Variants in MACROD1 observed in about 807,000 individuals in gnomAD.
MACROD1 encodes mono-ADP ribosylhydrolase 1.
MACROD1 carries 31 observed loss-of-function variants against 41.4 expected under a neutral mutation model. The observed-to-expected ratio is 0.75, with a 90% CI of 0.56 to 1.01. MACROD1 has a LOEUF of 1.01. Among genes scored for constraint, MACROD1 ranks in the 50% least tolerant of loss-of-function variants. The pLI, the probability that MACROD1 is intolerant of heterozygous loss-of-function variation, is 0.00. For missense variants in MACROD1, 473 were observed against 460.0 expected, an observed-to-expected ratio of 1.03 and a Z score of -0.26; for synonymous variants, 252 against 203.4, an observed-to-expected ratio of 1.24 and a Z score of -2.03.
chr11:64,035,284 A>G (rs1943351517), intron 3 of MACROD1, among the ~76,000 whole-genome samples: 2 of 151,738 alleles, frequency 1.3e-5, no homozygotes, highest in Non-Finnish European at 2.9e-5. Context: ...CACGCGGCGG[A>G]TGAGAGGGTC....
At position 64,087,342 on chromosome 11, in the gene MACROD1, A is replaced by ACCCTGCCAC. The variant is rs945649913; in HGVS notation, c.517+63888_517+63896dup. 4.0e-5 allele frequency among the ~76,000 whole-genome samples: 6 copies of ACCCTGCCAC among 151,540 alleles called. No individual in the cohort carries two copies. The East Asian group carries it at 5.8e-4, about 15-fold the overall frequency. On this transcript the variant is annotated intron_variant, in intron 3 of 10. Transcript: ENST00000255681. ...GGTCCGCCACCCAGACCTCACCCCA[A>ACCCTGCCAC]CCCTGCCACCCCTGCCACCCCTGCC...
In MACROD1 at chr11:64,064,146, A is replaced by T. The variant is rs890534928; in HGVS notation, c.518-48865T>A. Among the ~76,000 whole-genome samples the T allele has an allele frequency of 2.0e-5, 3 of 152,112 alleles. No homozygotes were observed. The highest frequency in any genetic ancestry group is 4.8e-5 in the African/African-American group (2 of 41,414). On this transcript the variant is annotated intron_variant, in intron 3 of 10. Transcript: ENST00000255681. This position sits in a 1 kb window ranked among gnomAD's most constrained non-coding sequence, Gnocchi z 4.5. ...GGTCTCTCCCACTCTCCCTTTCAGCATCTTCTCTCTCTTGTCTTCTGAGGA... is the reference window on the plus strand; with the variant it reads ...GGTCTCTCCCACTCTCCCTTTCAGCTTCTTCTCTCTCTTGTCTTCTGAGGA...
chr11:64,029,651 G>A (rs1450178340), intron 3 of MACROD1, among the ~76,000 whole-genome samples: 1 of 150,672 alleles, frequency 6.6e-6, no homozygotes, highest in Admixed American at 6.6e-5. Flanking sequence ...AGCTGGCCTC[G>A]CCCCCACCCC....
At chr11:64,058,449 T>A in intron 3 of MACROD1, among the ~76,000 whole-genome samples, 1 of 152,234 alleles carries the variant, frequency 6.6e-6, no homozygotes, top group East Asian at 1.9e-4. Context: ...AGGGGGCACC[T>A]GTAGCTGCCA....
chr11:64,001,834 G>A (rs1214671812), intron 4 of MACROD1: 27 of 687,682 alleles, frequency 3.9e-5, no homozygotes, highest in Admixed American at 3.2e-4. Context: ...ATGGGGTGCC[G>A]TGGCTGGGCT....
chr11:64,025,094 T>A (rs1943207602), intron 3 of MACROD1, among the ~76,000 whole-genome samples: 1 of 152,188 alleles, frequency 6.6e-6, no homozygotes, highest in Non-Finnish European at 1.5e-5. Flanking sequence ...CTGCCAGGCC[T>A]CAGCCTCCTG....
At chr11:64,149,147 G>T in intron 3 of MACROD1, 4 of 407,242 alleles carry the variant, frequency 9.8e-6, no homozygotes, top group Non-Finnish European at 1.3e-5. Context: ...CCTCGGCACC[G>T]CTGGGACAGG....
At chr11:64,114,350 T>C (rs1944930062) in intron 3 of MACROD1, among the ~76,000 whole-genome samples, 1 of 146,424 alleles carries the variant, frequency 6.8e-6, no homozygotes, top group South Asian at 2.2e-4. Flanking sequence ...ACATGATGGA[T>C]GGATGGATGG....
intron 3 of MACROD1, among the ~76,000 whole-genome samples, chr11:64,109,997 TGC>T (rs1944831275): frequency 6.6e-6 from 1 of 152,044 alleles, no homozygotes; most frequent in Non-Finnish European, 1.5e-5. Flanking sequence ...TTAAACTGGA[TGC>T]GTCGGGGGCA....
intron 3 of MACROD1, among the ~76,000 whole-genome samples, chr11:64,109,659 C>A (rs1168129300): frequency 1.3e-5 from 2 of 152,178 alleles, no homozygotes; most frequent in African/African-American, 2.4e-5. Context: ...ACCCTGCCCC[C>A]AGCCTGGAGG....
chr11:64,128,601 G>A (rs1168315075), intron 3 of MACROD1, among the ~76,000 whole-genome samples: 1 of 151,872 alleles, frequency 6.6e-6, no homozygotes, highest in Non-Finnish European at 1.5e-5. Context: ...ACTCAGGAAG[G>A]CCCTGTGTCC....
intron 3 of MACROD1, among the ~76,000 whole-genome samples, chr11:64,094,541 C>G (rs532821460): frequency 9.2e-5 from 14 of 152,322 alleles, no homozygotes; most frequent in Non-Finnish European, 1.5e-4. Flanking sequence ...GAATGGCAGG[C>G]TCCTGGAGTG....
rs367873913 is a variant in MACROD1 at position 64,062,358 on chromosome 11, G to A, written c.518-47077C>T. Among the ~76,000 whole-genome samples the A allele has an allele frequency of 2.7e-4, 41 of 152,278 alleles. No homozygotes were observed. The East Asian group carries it at 3.3e-3, about 12-fold the overall frequency. ...GAGTCCTGCGTCTGTGGCTGGCTCA[G>A]ACATATGCAGAGGCCCTCCCACACC... On this transcript the variant is annotated intron_variant, in intron 3 of 10. Transcript: ENST00000255681.
At chr11:64,083,581 C>A (rs1291257415) in intron 3 of MACROD1, among the ~76,000 whole-genome samples, 1 of 152,200 alleles carries the variant, frequency 6.6e-6, no homozygotes, top group East Asian at 1.9e-4. Context: ...TAAGCTGCCA[C>A]AAATCCTTTC....
chr11:64,116,939 G>A (rs1944994928), intron 3 of MACROD1: 1 of 1,611,416 alleles, frequency 6.2e-7, no homozygotes, highest in Non-Finnish European at 8.5e-7. Flanking sequence ...TCAACAGCCT[G>A]CGGCGCCTGG....
chr11:64,091,355 A>G (rs1325166777), intron 3 of MACROD1, among the ~76,000 whole-genome samples: 1 of 151,786 alleles, frequency 6.6e-6, no homozygotes, highest in East Asian at 1.9e-4. Context: ...TGCCGTTACA[A>G]TCTCATTCAT....
chr11:64,067,115 C>A lies in MACROD1; in HGVS notation c.518-51834G>T, dbSNP rs893226352. Among the ~76,000 whole-genome samples, 1 of 152,168 alleles carries A rather than the reference C, an allele frequency of 6.6e-6. No homozygotes were observed. On this transcript the variant is annotated intron_variant, in intron 3 of 10. Coordinates refer to ENST00000255681, the MANE Select transcript of MACROD1 (RefSeq NM_014067.4). The surrounding 1 kb of genome is among the most constrained non-coding windows in gnomAD (Gnocchi z 4.6). ...GGCAGAATGGAAGCCATTCTCATTA[C>A]ACCACAGGCCAGGGCCAAGTAGGCA... is the stretch of plus-strand genomic sequence containing the variant.
intron 3 of MACROD1, among the ~76,000 whole-genome samples, chr11:64,144,312 T>C (rs1171052928): frequency 6.6e-6 from 1 of 152,170 alleles, no homozygotes; most frequent in Non-Finnish European, 1.5e-5. Context: ...GCACCATGGT[T>C]CCTTTTCCAT....
chr11:64,101,688 C>T lies in MACROD1; in HGVS notation c.517+49551G>A, dbSNP rs920315178. ...TAGCAATAAGGGCTCGTGCTAGAGCCGGCCGCCCTCCCGCCGCGTGCAGGG... is the reference window on the plus strand; with the variant it reads ...TAGCAATAAGGGCTCGTGCTAGAGCTGGCCGCCCTCCCGCCGCGTGCAGGG... On this transcript the variant is annotated intron_variant, in intron 3 of 10. Transcript: ENST00000255681. Among the ~76,000 whole-genome samples, 6 of 152,262 alleles carry T rather than the reference C, an allele frequency of 3.9e-5. No individual in the cohort carries two copies. In the Middle Eastern group the frequency reaches 0.01, roughly 259 times the overall value.
Sources: allele counts gnomAD v4.1 joint callset (sites outside exome capture counted in the v4.1 genomes callset), GRCh38; gene constraint gnomAD v4.1.1; non-coding constraint Gnocchi (gnomAD v3.1); transcripts MANE v1.5; gene names NCBI Gene and HGNC (gene_info 2026-07-23, HGNC 2026-07-21).